The following GLT8D2 variants were observed in gnomAD, a reference collection of about 807,000 sequenced individuals.
GLT8D2 encodes the protein glycosyltransferase 8 domain containing 2.
In GLT8D2, 45 loss-of-function variants were observed where a neutral mutation model predicts 44.5. The ratio of observed to expected loss-of-function variants is 1.01; its 90% CI spans 0.80 to 1.30. The LOEUF (loss-of-function observed/expected upper bound fraction) is 1.30. Among genes scored for constraint, GLT8D2 ranks in the 50% most tolerant of loss-of-function variants. GLT8D2 has a pLI of 0.00. For missense variants in GLT8D2, 400 were observed against 430.4 expected (o/e 0.93, Z 0.62); for synonymous variants, 156 against 157.2 (o/e 0.99, Z 0.06).
intron 1 of GLT8D2, among the ~76,000 whole-genome samples, chr12:104,041,508 G>A (rs752000999): frequency 6.6e-6 from 1 of 151,748 alleles, no homozygotes; most frequent in Admixed American, 6.6e-5. Flanking sequence ...CCAGGGAGGC[G>A]GAGGTTGCAG....
Position 104,016,768 on chromosome 12 carries a change from AAAGAAAG to A in GLT8D2, c.20-1670_20-1664del, listed in dbSNP as rs879387032. On this transcript the variant is annotated intron_variant, in intron 3 of 10. Coordinates refer to ENST00000360814, the MANE Select transcript of GLT8D2 (RefSeq NM_001384711.1). ...GAAAGAAAGAAAGAAAGAAAGAAAGAAAGAAAGAAGGAAGGAAGGAAGGAAGGAAGGA... is the reference window on the plus strand; with the variant it reads ...GAAAGAAAGAAAGAAAGAAAGAAAGAAAGGAAGGAAGGAAGGAAGGAAGGA... Among the ~76,000 whole-genome samples, 224 of 92,448 alleles carry A rather than the reference AAAGAAAG, an allele frequency of 2.4e-3. 2 individuals are homozygous for A. Among genetic ancestry groups the A allele is most frequent in the Admixed American group, 8.1e-3 (67 of 8,274 alleles). The allele number at this position is 92,448 out of a possible 152,430, so 60.6% of individuals were successfully genotyped here.
chr12:103,993,330 C>T, intron 10 of GLT8D2, 62 bp downstream of exon 10: 1 of 1,323,860 alleles, frequency 7.6e-7, no homozygotes, highest in South Asian at 1.2e-5. Context: ...GACTCTGTCT[C>T]AAAAATACAA....
At chr12:103,990,386 C>G (rs533147408) in intron 10 of GLT8D2, among the ~76,000 whole-genome samples, 1 of 152,132 alleles carries the variant, frequency 6.6e-6, no homozygotes, top group African/African-American at 2.4e-5. Context: ...TCTATCTCCA[C>G]CTGAACATTA....
At chr12:104,005,788 C>G (rs1419435959) in intron 4 of GLT8D2, among the ~76,000 whole-genome samples, 1 of 152,192 alleles carries the variant, frequency 6.6e-6, no homozygotes, top group African/African-American at 2.4e-5. Flanking sequence ...GTTGGTGGAA[C>G]TGTAAACTGG....
intron 1 of GLT8D2, among the ~76,000 whole-genome samples, chr12:104,043,472 T>A (rs1159808342): frequency 2.6e-5 from 4 of 152,190 alleles, no homozygotes; most frequent in African/African-American, 9.7e-5. Context: ...ATTTAGTTTT[T>A]ATTTTTATTT....
At chr12:104,030,707 T>G in intron 1 of GLT8D2, 1 of 1,607,404 alleles carries the variant, frequency 6.2e-7, no homozygotes, top group Non-Finnish European at 8.5e-7. Context: ...AACAAATAAC[T>G]TGATTTAAAA....
intron 8 of GLT8D2, among the ~76,000 whole-genome samples, chr12:103,994,895 A>C (rs1376028050): frequency 6.6e-6 from 1 of 151,954 alleles, no homozygotes; most frequent in African/African-American, 2.4e-5. Flanking sequence ...ATTGATCCCA[A>C]TCCTATCCCA....
intron 1 of GLT8D2, among the ~76,000 whole-genome samples, chr12:104,034,458 G>C (rs762153656): frequency 1.3e-5 from 2 of 152,270 alleles, no homozygotes; most frequent in Non-Finnish European, 1.5e-5. Context: ...TTTTCCAGTG[G>C]TCTTAGCAAA....
At chr12:104,022,570 A>G (rs1185674910) in intron 1 of GLT8D2, among the ~76,000 whole-genome samples, 1 of 152,212 alleles carries the variant, frequency 6.6e-6, no homozygotes, top group Non-Finnish European at 1.5e-5. Context: ...TATATTGAAC[A>G]TATTTAATAA....
intron 6 of GLT8D2, among the ~76,000 whole-genome samples, chr12:103,998,849 A>C (rs1351647427): frequency 6.6e-6 from 1 of 152,158 alleles, no homozygotes; most frequent in African/African-American, 2.4e-5. Context: ...GTCCAGCCAA[A>C]AACACCACTT....
chr12:104,063,366 A>G (rs1186313561), intron 1 of GLT8D2, among the ~76,000 whole-genome samples: 3 of 152,110 alleles, frequency 2.0e-5, no homozygotes, highest in Non-Finnish European at 2.9e-5. Flanking sequence ...GGACCAAATC[A>G]CAGGGCAGCT....
chr12:104,016,883 AAAAATAAAGAGAGAAAGAAAGAAAGG>A (rs1876936135), intron 3 of GLT8D2, among the ~76,000 whole-genome samples: 3 of 138,012 alleles, frequency 2.2e-5, no homozygotes, highest in Admixed American at 7.1e-5. Flanking sequence ...AGAAAGAAAG[AAAAATAAAGAGAGAAAGAAAGAAAGG>A]AAGAAAGAAA....
At chr12:104,038,963 C>T (rs1880242851) in intron 1 of GLT8D2, among the ~76,000 whole-genome samples, 1 of 152,092 alleles carries the variant, frequency 6.6e-6, no homozygotes, top group African/African-American at 2.4e-5. Flanking sequence ...ACCAATGCAA[C>T]AGAACAGAGG....
rs539710711 is a variant in GLT8D2 at position 104,016,234 on chromosome 12, T to C, written c.20-1129A>G. On this transcript the variant is annotated intron_variant, in intron 3 of 10. Transcript: ENST00000360814. ...CTGTGGGTCTGCCGTATGTGGCTTT[T>C]ATTTTGTTGAATTTATGTGATTCTT... is the stretch of plus-strand genomic sequence containing the variant. Among the ~76,000 whole-genome samples the C allele has an allele frequency of 7.1e-4, 108 of 152,334 alleles. 1 individual carries two copies. Among genetic ancestry groups the C allele is most frequent in the Admixed American group, 6.3e-3 (96 of 15,296 alleles).
intron 1 of GLT8D2, chr12:104,030,891 C>A (rs555385338): frequency 1.3e-5 from 20 of 1,547,404 alleles, no homozygotes; most frequent in African/African-American, 1.2e-4. Context: ...CACGAGGAGG[C>A]GAAGCGCGGC....
intron 1 of GLT8D2, among the ~76,000 whole-genome samples, chr12:104,060,499 A>G (rs1195115225): frequency 6.6e-6 from 1 of 152,202 alleles, no homozygotes; most frequent in Non-Finnish European, 1.5e-5. Context: ...CCCAAAAGAC[A>G]TGCTGAAGCC....
chr12:104,023,754 T>C (rs1878209209), intron 1 of GLT8D2, among the ~76,000 whole-genome samples: 1 of 152,218 alleles, frequency 6.6e-6, no homozygotes, highest in South Asian at 2.1e-4. Context: ...GTTTTGTCTT[T>C]TCCAGAATGT....
intron 5 of GLT8D2, among the ~76,000 whole-genome samples, chr12:104,001,015 C>T (rs1348565541): frequency 6.6e-6 from 1 of 152,206 alleles, no homozygotes; most frequent in Non-Finnish European, 1.5e-5. Flanking sequence ...TCCCTGATTC[C>T]TCTGTCCTCC....
At chr12:104,005,606 T>C (rs1272203288) in intron 4 of GLT8D2, among the ~76,000 whole-genome samples, 1 of 152,204 alleles carries the variant, frequency 6.6e-6, no homozygotes, top group Non-Finnish European at 1.5e-5. Flanking sequence ...AGAAGACATT[T>C]ATGCAACCAA....
Sources: gnomAD v4.1 joint callset for allele counts (sites outside exome capture counted in the v4.1 genomes callset) on GRCh38, gnomAD v4.1.1 for gene constraint, MANE v1.5 for transcripts, NCBI Gene and HGNC (gene_info 2026-07-23, HGNC 2026-07-21) for gene names.